GPR137B: variants seen among roughly 807,000 people sequenced by gnomAD.
GPR137B encodes the protein G protein-coupled receptor 137B, also known as integral membrane protein GPR137B.
GPR137B carries 42 observed loss-of-function variants against 42.5 expected under a neutral mutation model. That is an observed-to-expected ratio of 0.99 (90% CI 0.77 to 1.28). The LOEUF is 1.28. Among genes scored for constraint, GPR137B ranks in the 50% most tolerant of loss-of-function variants. The pLI, the probability that GPR137B is intolerant of heterozygous loss-of-function variation, is 0.00. For missense variants in GPR137B, 487 were observed against 493.9 expected (o/e 0.99, Z 0.13); for synonymous variants, 218 against 209.7 (o/e 1.04, Z -0.34).
At chr1:236,161,600 G>A (rs1003541460) in intron 1 of GPR137B, among the ~76,000 whole-genome samples, 12 of 151,910 alleles carry the variant, frequency 7.9e-5, no homozygotes, top group Admixed American at 2.6e-4. Flanking sequence ...AACTTGAATT[G>A]TATCTCCCAG....
intron 5 of GPR137B, 26 bp downstream of exon 5, chr1:236,183,932 A>G (rs753001494): frequency 7.1e-6 from 11 of 1,551,424 alleles, no homozygotes; most frequent in Non-Finnish European, 9.8e-6. Context: ...TACATTTGTA[A>G]GAAAATGTCT....
At chr1:236,191,944 G>A (rs1663202036) in intron 5 of GPR137B, among the ~76,000 whole-genome samples, 1 of 152,206 alleles carries the variant, frequency 6.6e-6, no homozygotes, top group Admixed American at 6.5e-5. Flanking sequence ...CTTCCCCCAA[G>A]TGCTCTGTCC....
In GPR137B at chr1:236,186,262, T is replaced by TTATATATAATAATATAAATAATATATAA. The variant is rs1553365177; in HGVS notation, c.966+2363_966+2364insAATAATATAAATAATATATAATATATAT. 8.6e-3 allele frequency among the ~76,000 whole-genome samples: 197 copies of TTATATATAATAATATAAATAATATATAA among 22,854 alleles called. 38 individuals are homozygous for TTATATATAATAATATAAATAATATATAA. Among genetic ancestry groups the TTATATATAATAATATAAATAATATATAA allele is most frequent in the African/African-American group, 0.019 (133 of 7,146 alleles). 15.0% of individuals were successfully genotyped at this position (22,854 alleles called of 152,430 possible). A position where few individuals can be genotyped will look rare whatever the true frequency, so the allele number is the denominator to read the frequency against. On this transcript the variant is annotated intron_variant, in intron 5 of 6. Coordinates refer to ENST00000366592, the MANE Select transcript of GPR137B (RefSeq NM_003272.4). ...TAATATAAATAATATATAATATATA[T>TTATATATAATAATATAAATAATATATAA]TATATATTATATATAATAATATAAA...
chr1:236,160,527 C>T (rs551986937), intron 1 of GPR137B, among the ~76,000 whole-genome samples: 2 of 152,310 alleles, frequency 1.3e-5, no homozygotes, highest in Non-Finnish European at 2.9e-5. Flanking sequence ...CTTCTCGGGA[C>T]CCAGGCTCCT....
chr1:236,160,917 G>GT (rs11416009), intron 1 of GPR137B, among the ~76,000 whole-genome samples: 20,434 of 150,162 alleles, frequency 0.14, 1,711 homozygotes, highest in South Asian at 0.22. Flanking sequence ...TTGTCTTTTT[G>GT]TTTTTTTTTA....
chr1:236,178,785 G>GTTTTTTTTTGTTTTTTGTTT, intron 3 of GPR137B, 149 bp downstream of exon 3: 1 of 48,310 alleles, frequency 2.1e-5, no homozygotes, highest in Non-Finnish European at 4.5e-5. Context: ...GCTACTCGAG[G>GTTTTTTTTTGTTTTTTGTTT]TTTTTTTTTT....
At chr1:236,186,311 T>C (rs1472206039) in intron 5 of GPR137B, among the ~76,000 whole-genome samples, 1 of 53,982 alleles carries the variant, frequency 1.9e-5, no homozygotes, top group African/African-American at 6.9e-5. Context: ...ATATTATATA[T>C]AATAATATAA....
At chr1:236,202,379 C>T (rs910978063) in intron 5 of GPR137B, among the ~76,000 whole-genome samples, 1 of 152,018 alleles carries the variant, frequency 6.6e-6, no homozygotes, top group Admixed American at 6.6e-5. Context: ...GGCCTCCAGC[C>T]AGGAGGTGGC....
Position 236,208,553 on chromosome 1 carries a change from T to G in GPR137B, c.*395T>G. On this transcript the variant is annotated 3_prime_UTR_variant, in exon 7 of 7. Coordinates refer to ENST00000366592, the MANE Select transcript of GPR137B (RefSeq NM_003272.4). Reference sequence around the variant, plus strand: ...AAATATAGAATATATGGTCTAATAGTTTTTTAAAGCTTTTGGACTAAAGTA... The same window carrying G: ...AAATATAGAATATATGGTCTAATAGGTTTTTAAAGCTTTTGGACTAAAGTA... 1 of 953,814 alleles carries G rather than the reference T, an allele frequency of 1.0e-6. No individual in the cohort carries two copies. The highest frequency in any genetic ancestry group is 1.8e-5 in the African/African-American group (1 of 56,574). 59.1% of individuals were successfully genotyped at this position (953,814 alleles called of 1,614,324 possible). A position where few individuals can be genotyped will look rare whatever the true frequency, so the allele number is the denominator to read the frequency against.
At position 236,183,761 on chromosome 1, in the gene GPR137B, C is replaced by T. The variant is rs764002060; in HGVS notation, c.838-17C>T. ...TCTTCCCTTGGTCTGATGACTCTCC[C>T]TGTCTGTTTCTAACAGGCAGATTTG... is the stretch of plus-strand genomic sequence containing the variant. On this transcript the variant is annotated splice_polypyrimidine_tract_variant and intron_variant, in intron 4 of 6. Transcript: ENST00000366592. The T allele has an allele frequency of 6.3e-7, 1 of 1,589,794 alleles. No individual in the cohort carries two copies. Among genetic ancestry groups the T allele is most frequent in the Admixed American group, 1.7e-5 (1 of 58,840 alleles).
chr1:236,176,080 G>T (rs1024708247), intron 2 of GPR137B, among the ~76,000 whole-genome samples: 3 of 152,110 alleles, frequency 2.0e-5, no homozygotes, highest in Middle Eastern at 3.2e-3. Flanking sequence ...TTGAGGCTGG[G>T]GATGTGGGAG....
intron 5 of GPR137B, among the ~76,000 whole-genome samples, chr1:236,198,611 G>A (rs1446337823): frequency 1.3e-5 from 2 of 152,150 alleles, no homozygotes; most frequent in Non-Finnish European, 2.9e-5. Context: ...TGGGGGATGT[G>A]TTTCCATTTG....
intron 1 of GPR137B, among the ~76,000 whole-genome samples, chr1:236,165,206 G>C (rs1662316509): frequency 6.6e-6 from 1 of 152,182 alleles, no homozygotes; most frequent in African/African-American, 2.4e-5. Context: ...CACCCAGCCT[G>C]AATTCAAGAT....
At position 236,208,213 on chromosome 1, in the gene GPR137B, T is replaced by C. The variant is rs1663723319; in HGVS notation, c.*55T>C. On this transcript the variant is annotated 3_prime_UTR_variant, in exon 7 of 7. Transcript: ENST00000366592. ...TCAGATGAAAAGCTTCAGAAAAGCA[T>C]AGTGACAGCTGAATTTTTAGGGCAC... 16 of 1,578,730 alleles carry C rather than the reference T, an allele frequency of 1.0e-5. No individual in the cohort carries two copies. Among genetic ancestry groups the C allele is most frequent in the African/African-American group, 2.7e-5 (2 of 73,032 alleles).
intron 2 of GPR137B, 58 bp from the exon 3 acceptor site, chr1:236,178,356 G>C: frequency 9.9e-7 from 1 of 1,008,016 alleles, no homozygotes; most frequent in Non-Finnish European, 1.6e-6. Flanking sequence ...ACACATCTCA[G>C]TGTCCTTCTA....
At chr1:236,165,544 G>A (rs953758167) in intron 1 of GPR137B, among the ~76,000 whole-genome samples, 5 of 152,164 alleles carry the variant, frequency 3.3e-5, no homozygotes, top group African/African-American at 1.2e-4. Flanking sequence ...GGGCTGGGGA[G>A]CATCTTAAAG....
intron 5 of GPR137B, among the ~76,000 whole-genome samples, chr1:236,192,954 G>A (rs1161999543): frequency 6.6e-6 from 1 of 152,006 alleles, no homozygotes; most frequent in Non-Finnish European, 1.5e-5. Context: ...GAGTGGAGTG[G>A]GGTGATCTCA....
At chr1:236,144,712 T>C (rs1341557456) in intron 1 of GPR137B, among the ~76,000 whole-genome samples, 1 of 152,226 alleles carries the variant, frequency 6.6e-6, no homozygotes, top group Non-Finnish European at 1.5e-5. Context: ...GGTTTTGTAA[T>C]TGAAATGAGG....
chr1:236,191,621 C>T (rs986890445), intron 5 of GPR137B, among the ~76,000 whole-genome samples: 4 of 152,214 alleles, frequency 2.6e-5, no homozygotes, highest in African/African-American at 7.2e-5. Context: ...GAGGTCCACT[C>T]CAGACCCTGT....
Sources: gnomAD v4.1 joint callset for allele counts (sites outside exome capture counted in the v4.1 genomes callset) on GRCh38, gnomAD v4.1.1 for gene constraint, MANE v1.5 for transcripts, NCBI Gene and HGNC (gene_info 2026-07-23, HGNC 2026-07-21) for gene names.